The following PIEZO2 variants were observed in gnomAD, a reference collection of about 807,000 sequenced individuals.
The protein encoded by PIEZO2 is piezo type mechanosensitive ion channel component 2, also known as piezo-type mechanosensitive ion channel component 2.
PIEZO2 carries 172 observed loss-of-function variants against 337.3 expected under a neutral mutation model. That is an observed-to-expected ratio of 0.51 (90% CI 0.45 to 0.58). PIEZO2 has a LOEUF of 0.58. PIEZO2 is among the 20% of genes least tolerant of loss of function. The pLI is 0.00. For missense variants in PIEZO2, 3,028 were observed against 3,391.3 expected (o/e 0.89, Z 2.66); for synonymous variants, 1,251 against 1,228.5 (o/e 1.02, Z -0.38).
chr18:10,718,850 C>T (rs1434256445), intron 36 of PIEZO2, among the ~76,000 whole-genome samples: 1 of 151,850 alleles, frequency 6.6e-6, no homozygotes, highest in Non-Finnish European at 1.5e-5. Flanking sequence ...AAAATATTAG[C>T]TGGGTGTGGT....
intron 7 of PIEZO2, among the ~76,000 whole-genome samples, chr18:10,841,570 T>G (rs1246705076): frequency 2.6e-5 from 4 of 152,144 alleles, no homozygotes; most frequent in Non-Finnish European, 5.9e-5. Context: ...AAATAAAACC[T>G]GTCAACTGAG....
intron 7 of PIEZO2, among the ~76,000 whole-genome samples, chr18:10,831,506 T>C (rs2040841222): frequency 6.6e-6 from 1 of 152,174 alleles, no homozygotes; most frequent in Non-Finnish European, 1.5e-5. Context: ...GAGAGTGGAA[T>C]GATGGTTACC....
Position 11,075,244 on chromosome 18 carries a change from A to G in PIEZO2, c.65-9022T>C, listed in dbSNP as rs936572173. The stretch of plus-strand genomic sequence containing the variant: ...GCTGAAGCAATTGATTGCTTTTAAA[A>G]GGACATTCTTTCAAAATTATGGTTA... On this transcript the variant is annotated intron_variant, in intron 1 of 55. Transcript: ENST00000674853. Among the ~76,000 whole-genome samples, 14 of 152,352 alleles carry G rather than the reference A, an allele frequency of 9.2e-5. No individual in the cohort carries two copies. The East Asian group carries it at 2.5e-3, about 27-fold the overall frequency.
chr18:10,852,602 A>G (rs2051764566), intron 7 of PIEZO2, among the ~76,000 whole-genome samples: 1 of 152,234 alleles, frequency 6.6e-6, no homozygotes, highest in Admixed American at 6.5e-5. Flanking sequence ...ATAATTTACG[A>G]TCACATTAAA....
Position 11,028,396 on chromosome 18 carries a change from AAGT to A in PIEZO2, c.160+37728_160+37730del. Among the ~76,000 whole-genome samples, 1 of 152,096 alleles carries A rather than the reference AAGT, an allele frequency of 6.6e-6. No homozygotes were observed. Among genetic ancestry groups the A allele is most frequent in the South Asian group, 2.1e-4 (1 of 4,802 alleles). ...TTGCCTCAGCCTCCTGAGTAGCTGG[AAGT>A]ACAGGCACGCACATCCACACCTGGG... On this transcript the variant is annotated intron_variant, in intron 2 of 55. Coordinates refer to ENST00000674853, the MANE Select transcript of PIEZO2 (RefSeq NM_001378183.1). The surrounding 1 kb of genome is among the most constrained non-coding windows in gnomAD (Gnocchi z 4.8).
At chr18:10,890,284 T>C (rs1598637347) in intron 4 of PIEZO2, among the ~76,000 whole-genome samples, 1 of 152,328 alleles carries the variant, frequency 6.6e-6, no homozygotes, top group African/African-American at 2.4e-5. Flanking sequence ...ACAGTACACA[T>C]TTCTAAGGCA....
In PIEZO2 at chr18:10,791,337, A is replaced by G. The variant is rs763627495; in HGVS notation, c.1759-13T>C. ...TGGTGAAAAGGATCTGAAAGTAGAG[A>G]AGCAGCAAAACAAGAATTAAGCAAC... On this transcript the variant is annotated splice_polypyrimidine_tract_variant and intron_variant, in intron 13 of 55. Transcript: ENST00000674853. 1 of 1,479,990 alleles carries G rather than the reference A, an allele frequency of 6.8e-7. No individual in the cohort carries two copies. The highest frequency in any genetic ancestry group is 1.3e-5 in the South Asian group (1 of 76,284). The allele number at this position is 1,479,990 out of a possible 1,614,324, so 91.7% of individuals were successfully genotyped here.
At position 10,712,057 on chromosome 18, in the gene PIEZO2, C is replaced by T. The variant is rs186303089; in HGVS notation, c.5423+2707G>A. On this transcript the variant is annotated intron_variant, in intron 39 of 55. Coordinates refer to ENST00000674853, the MANE Select transcript of PIEZO2 (RefSeq NM_001378183.1). ...AATCTCAGCATTTCTTTCATCCTAT[C>T]ATTCTCTTGGTTTTTGAAAAAGGGT... 7.5e-4 allele frequency among the ~76,000 whole-genome samples: 114 copies of T among 152,362 alleles called. 1 individual carries two copies. The highest frequency in any genetic ancestry group is 2.7e-3 in the African/African-American group (112 of 41,576).
At chr18:10,776,539 T>G (rs1568044401) in intron 18 of PIEZO2, among the ~76,000 whole-genome samples, 2 of 152,196 alleles carry the variant, frequency 1.3e-5, no homozygotes, top group Non-Finnish European at 2.9e-5. Context: ...GCGCCTTCTT[T>G]AACAGAACTT....
chr18:10,891,330 T>A (rs781642878), intron 4 of PIEZO2, among the ~76,000 whole-genome samples: 1 of 151,350 alleles, frequency 6.6e-6, no homozygotes, highest in Non-Finnish European at 1.5e-5. Flanking sequence ...TAAAAAAAAA[T>A]AAAAGAAAGT....
intron 2 of PIEZO2, among the ~76,000 whole-genome samples, chr18:11,061,285 C>T (rs2145896950): frequency 6.6e-6 from 1 of 151,118 alleles, no homozygotes; most frequent in East Asian, 1.9e-4. Flanking sequence ...TATGACAAAC[C>T]CACAGCCAAT....
At chr18:10,882,306 A>G (rs2042442605) in intron 4 of PIEZO2, among the ~76,000 whole-genome samples, 1 of 152,200 alleles carries the variant, frequency 6.6e-6, no homozygotes. Flanking sequence ...ACAAAAATTC[A>G]GTGACCCAAG....
intron 9 of PIEZO2, among the ~76,000 whole-genome samples, chr18:10,803,178 C>T (rs1298088858): frequency 6.6e-6 from 1 of 152,124 alleles, no homozygotes; most frequent in Non-Finnish European, 1.5e-5. Context: ...TATCCACGTG[C>T]TGTCATGTCA....
In PIEZO2 at chr18:11,132,482, C is replaced by G. The variant is rs765879824; in HGVS notation, c.64+16043G>C. ...AGTTCTCCAGAAGGCCGTGTATGCT[C>G]TGAATCAACATCCAATATATGGTAC... On this transcript the variant is annotated intron_variant, in intron 1 of 55. Coordinates refer to ENST00000674853, the MANE Select transcript of PIEZO2 (RefSeq NM_001378183.1). The surrounding 1 kb of genome is among the most constrained non-coding windows in gnomAD (Gnocchi z 4.7). 3.3e-5 allele frequency among the ~76,000 whole-genome samples: 5 copies of G among 152,176 alleles called. No individual in the cohort carries two copies. The highest frequency in any genetic ancestry group is 1.5e-5 in the Non-Finnish European group (1 of 68,034).
At position 10,704,569 on chromosome 18, in the gene PIEZO2, T is replaced by C. The variant is rs959681351; in HGVS notation, c.6083A>G (p.Tyr2028Cys). 2.6e-6 allele frequency: 4 copies of C among 1,537,294 alleles called. No homozygotes were observed. Among genetic ancestry groups the C allele is most frequent in the Non-Finnish European group, 3.5e-6 (4 of 1,146,912 alleles). ...CTCCGAGCGGGCCACCAGGGTATTG[T>C]ACATGGCATAGAAGAGCAGCAGAAA... The part of the protein sequence containing the change: ...PRFLLLFYAM[Y>C]NTLVARSEMV... The change falls in exon 42 of 56, where the codon TAC becomes TGC. Residue 2028 changes from tyrosine to cysteine, a missense_variant. By Grantham distance (194) the Tyr-to-Cys change is radical. Transcript: ENST00000674853.
chr18:11,039,117 G>A (rs749513207), intron 2 of PIEZO2, among the ~76,000 whole-genome samples: 2 of 152,192 alleles, frequency 1.3e-5, no homozygotes, highest in Non-Finnish European at 2.9e-5. Flanking sequence ...GGAAAGGAAA[G>A]AACAGAACGA....
intron 4 of PIEZO2, among the ~76,000 whole-genome samples, chr18:10,906,718 G>A (rs1568185884): frequency 6.6e-6 from 1 of 151,986 alleles, no homozygotes; most frequent in African/African-American, 2.4e-5. Flanking sequence ...ATGCCGCCAC[G>A]CCTGGCTAAT....
rs1472720083 is a variant in PIEZO2 at position 10,794,595 on chromosome 18, T to C, written c.1758+177A>G. On this transcript the variant is annotated intron_variant, in intron 13 of 55. Coordinates refer to ENST00000674853, the MANE Select transcript of PIEZO2 (RefSeq NM_001378183.1). This position sits in a 1 kb window ranked among gnomAD's most constrained non-coding sequence, Gnocchi z 6.6. The stretch of plus-strand genomic sequence containing the variant: ...ATCATGGTGTAATATATGTTCATGT[T>C]TAAATTATAGAGGCCTCTAAGCACC... Among the ~76,000 whole-genome samples, 1 of 152,208 alleles carries C rather than the reference T, an allele frequency of 6.6e-6. No individual in the cohort carries two copies. Among genetic ancestry groups the C allele is most frequent in the Non-Finnish European group, 1.5e-5 (1 of 68,040 alleles).
At chr18:10,731,147 T>C (rs2036753655) in intron 36 of PIEZO2, among the ~76,000 whole-genome samples, 1 of 139,788 alleles carries the variant, frequency 7.2e-6, no homozygotes, top group African/African-American at 2.6e-5. Context: ...GGGTTTCATT[T>C]GCAACTCTCC....
Sources: allele counts gnomAD v4.1 joint callset (sites outside exome capture counted in the v4.1 genomes callset), GRCh38; gene constraint gnomAD v4.1.1; non-coding constraint Gnocchi (gnomAD v3.1); transcripts MANE v1.5; gene names NCBI Gene and HGNC (gene_info 2026-07-23, HGNC 2026-07-21).